The following TRAK1 variants were observed in gnomAD, a reference collection of about 807,000 sequenced individuals.
TRAK1 encodes trafficking kinesin-binding protein 1.
TRAK1 carries 33 observed loss-of-function variants against 92.1 expected under a neutral mutation model. The observed-to-expected ratio is 0.36, with a 90% CI of 0.27 to 0.48. The LOEUF is 0.48. Ranked by LOEUF, TRAK1 falls within the 20% of genes least tolerant of loss-of-function variation. The pLI, the probability that TRAK1 is intolerant of heterozygous loss-of-function variation, is 0.99. For synonymous variants in TRAK1, 521 were observed against 517.3 expected (o/e 1.01, Z -0.10); for missense variants, 1,123 against 1,257.9 (o/e 0.89, Z 1.62).
chr3:42,076,568 C>T (rs1704172085), intron 1 of TRAK1, among the ~76,000 whole-genome samples: 1 of 152,116 alleles, frequency 6.6e-6, no homozygotes, highest in Non-Finnish European at 1.5e-5. Flanking sequence ...CAAAAATTTT[C>T]TCCCATTCTG....
In TRAK1 at chr3:42,057,401, C is replaced by T. The variant is rs187600877; in HGVS notation, c.-518-29703C>T. On this transcript the variant is annotated intron_variant, in intron 1 of 16. Transcript: ENST00000487159. ...ACAGAAATTGATTGCCAATTCACATCCATCTCTGCCACACTTTCTTCTTTC... is the reference window on the plus strand; with the variant it reads ...ACAGAAATTGATTGCCAATTCACATTCATCTCTGCCACACTTTCTTCTTTC... Among the ~76,000 whole-genome samples, 450 of 152,292 alleles carry T rather than the reference C, an allele frequency of 3.0e-3. 1 individual carries two copies. Among genetic ancestry groups the T allele is most frequent in the South Asian group, 9.1e-3 (44 of 4,816 alleles).
chr3:42,219,024 C>T (rs1710038379), intron 14 of TRAK1: 1 of 985,298 alleles, frequency 1.0e-6, no homozygotes, highest in Non-Finnish European at 1.2e-6. Flanking sequence ...GTGAGCCTTG[C>T]CCTGTTTGCA....
intron 1 of TRAK1, among the ~76,000 whole-genome samples, chr3:42,112,512 A>G (rs528345920): frequency 6.6e-6 from 1 of 151,496 alleles, no homozygotes; most frequent in Non-Finnish European, 1.5e-5. Flanking sequence ...AGGCGAGTAG[A>G]TCACTGGAGC....
chr3:42,223,340 TGAGAGAAAAGAACGTCCGCAGCAGC>T lies in TRAK1; in HGVS notation c.2471_2495del (p.Glu824AlafsTer25). On this transcript the variant is annotated frameshift_variant, in exon 16 of 16. Coordinates refer to ENST00000327628, the MANE Select transcript of TRAK1 (RefSeq NM_001042646.3). LOFTEE classifies it high-confidence loss of function. This position sits in a 1 kb window ranked among gnomAD's most constrained non-coding sequence, Gnocchi z 6.1. ...CCAGCCAGCTCCATCCTGAGGGAAGTGAGAGAAAAGAACGTCCGCAGCAGCGAGAGCCAGACCGACGTGTCCGTCT... is the reference window on the plus strand; with the variant it reads ...CCAGCCAGCTCCATCCTGAGGGAAGTGAGAGCCAGACCGACGTGTCCGTCT... The T allele has an allele frequency of 6.2e-7, 1 of 1,614,096 alleles. No homozygotes were observed. Among genetic ancestry groups the T allele is most frequent in the Non-Finnish European group, 8.5e-7 (1 of 1,180,000 alleles).
chr3:42,204,085 T>C (rs1708041255), intron 13 of TRAK1: 2 of 985,742 alleles, frequency 2.0e-6, no homozygotes, highest in Non-Finnish European at 2.4e-6. Flanking sequence ...AGAAAAGGTA[T>C]AGCTTACTCT....
Position 42,209,852 on chromosome 3 carries a change from G to A in TRAK1, c.1830G>A (p.Lys610=). 1 of 1,614,204 alleles carries A rather than the reference G, an allele frequency of 6.2e-7. No individual in the cohort carries two copies. The highest frequency in any genetic ancestry group is 8.5e-7 in the Non-Finnish European group (1 of 1,180,048). Residue 610 remains lysine (K), a synonymous_variant, in exon 14 of 16, where the codon AAG becomes AAA. Transcript: ENST00000327628. ...ACCCCCGGCCCGGTGTGGTCACCAA[G>A]GGCTTCCGGACGCTGGATGTTGACC... The part of the protein sequence containing the change: ...ILDPRPGVVT[K]GFRTLDVDLD...
chr3:42,018,087 C>CAAAAAA (rs397989329), intron 1 of TRAK1, among the ~76,000 whole-genome samples: 91 of 114,260 alleles, frequency 8.0e-4, no homozygotes, highest in African/African-American at 3.1e-3. Flanking sequence ...CTCATTGTTA[C>CAAAAAA]AAAAAAAAAA....
intron 1 of TRAK1, among the ~76,000 whole-genome samples, chr3:42,023,215 T>G (rs1701789990): frequency 6.6e-6 from 1 of 151,776 alleles, no homozygotes; most frequent in Admixed American, 6.6e-5. Context: ...TTTGGCTATC[T>G]TTTAATGTAG....
intron 1 of TRAK1, among the ~76,000 whole-genome samples, chr3:42,014,878 CTG>C (rs1260461952): frequency 6.6e-6 from 1 of 151,498 alleles, no homozygotes; most frequent in Non-Finnish European, 1.5e-5. Context: ...TCAATACTGT[CTG>C]TGAGTGTGTA....
chr3:42,109,900 T>C (rs116309848), intron 1 of TRAK1, among the ~76,000 whole-genome samples: 6 of 151,280 alleles, frequency 4.0e-5, no homozygotes, highest in South Asian at 4.2e-4. Context: ...GGAATTGAAC[T>C]GTGAGAACAC....
chr3:42,175,972 AC>A (rs1703155374), intron 2 of TRAK1, among the ~76,000 whole-genome samples: 1 of 152,222 alleles, frequency 6.6e-6, no homozygotes, highest in Non-Finnish European at 1.5e-5. Context: ...AATAAAACTT[AC>A]GCTACCTTCT....
chr3:42,024,281 C>G (rs1343067723), intron 1 of TRAK1, among the ~76,000 whole-genome samples: 2 of 152,172 alleles, frequency 1.3e-5, no homozygotes, highest in African/African-American at 2.4e-5. Context: ...CAGGGTTACT[C>G]TGCTGTGAGA....
At chr3:42,124,155 T>C (rs539346166) in intron 1 of TRAK1, among the ~76,000 whole-genome samples, 1 of 151,060 alleles carries the variant, frequency 6.6e-6, no homozygotes, top group East Asian at 1.9e-4. Flanking sequence ...AAAAAAAGAA[T>C]CAACCTCAGT....
intron 14 of TRAK1, chr3:42,218,084 T>TA (rs34825656): frequency 3.6e-5 from 35 of 985,276 alleles, no homozygotes; most frequent in Non-Finnish European, 4.0e-5. Context: ...AGTCAGACCT[T>TA]AAAAATCAGG....
chr3:42,014,271 C>G (rs544743788), intron 1 of TRAK1, among the ~76,000 whole-genome samples: 386 of 152,334 alleles, frequency 2.5e-3, no homozygotes, highest in African/African-American at 9.0e-3. Flanking sequence ...AATGCACCGG[C>G]CGCACCTGCA....
chr3:42,192,484 G>GCATTTCGTCAAAGTACCAAGTATTTTC (rs1705952745), intron 7 of TRAK1, among the ~76,000 whole-genome samples: 1 of 152,016 alleles, frequency 6.6e-6, no homozygotes, highest in Non-Finnish European at 1.5e-5. Flanking sequence ...TAAGTATTTT[G>GCATTTCGTCAAAGTACCAAGTATTTTC]CATTTCGTCA....
chr3:42,077,143 G>T (rs1302456578), intron 1 of TRAK1, among the ~76,000 whole-genome samples: 1 of 152,140 alleles, frequency 6.6e-6, no homozygotes, highest in Non-Finnish European at 1.5e-5. Flanking sequence ...TGTTCCAAAT[G>T]AATTTTAGAA....
At position 42,210,085 on chromosome 3, in the gene TRAK1, CGGAGGAGGAGGAGGA is replaced by C. The variant is rs10634555; in HGVS notation, c.1963+118_1963+132del. The C allele has an allele frequency of 2.9e-5, 45 of 1,577,352 alleles. No homozygotes were observed. The African/African-American group carries it at 4.8e-4, about 17-fold the overall frequency. ...GAGATGCAGGAGCCGCCAGCGGCCA[CGGAGGAGGAGGAGGA>C]GGAGGAGGAGGAGGAGGGGTCTGGT... On this transcript the variant is annotated intron_variant, in intron 14 of 15. Coordinates refer to ENST00000327628, the MANE Select transcript of TRAK1 (RefSeq NM_001042646.3).
At chr3:42,125,661 T>G in intron 2 of TRAK1, 47 bp downstream of exon 2, 1 of 1,594,976 alleles carries the variant, frequency 6.3e-7, no homozygotes, top group Non-Finnish European at 8.6e-7. Flanking sequence ...CATGATCAGG[T>G]CTTCTTAGCC....
Sources: allele counts gnomAD v4.1 joint callset (sites outside exome capture counted in the v4.1 genomes callset), GRCh38; gene constraint gnomAD v4.1.1; non-coding constraint Gnocchi (gnomAD v3.1); transcripts MANE v1.5; gene names NCBI Gene and HGNC (gene_info 2026-07-23, HGNC 2026-07-21).